CPEB3: variants seen among roughly 807,000 people sequenced by gnomAD.
CPEB3 encodes the protein cytoplasmic polyadenylation element-binding protein 3.
A neutral mutation model predicts 67.2 loss-of-function variants in CPEB3; 20 were observed. The ratio of observed to expected loss-of-function variants is 0.30; its 90% confidence interval spans 0.21 to 0.43. The LOEUF (loss-of-function observed/expected upper bound fraction) is 0.43. Among genes scored for constraint, CPEB3 ranks in the 20% least tolerant of loss-of-function variants. The pLI is 1.00. For synonymous variants in CPEB3, 376 were observed against 393.1 expected, an observed-to-expected ratio of 0.96 and a Z score of 0.51; for missense variants, 746 against 968.6, an observed-to-expected ratio of 0.77 and a Z score of 3.05.
chr10:92,283,731 T>C (rs1209629273), intron 1 of CPEB3, among the ~76,000 whole-genome samples: 1 of 145,170 alleles, frequency 6.9e-6, no homozygotes, highest in African/African-American at 2.5e-5. Flanking sequence ...TCTTTTTTTT[T>C]TTTTTTTTTT....
At chr10:92,124,334 T>C (rs1398566142) in intron 6 of CPEB3, among the ~76,000 whole-genome samples, 9 of 152,350 alleles carry the variant, frequency 5.9e-5, no homozygotes, top group African/African-American at 2.2e-4. Context: ...ACTAACTTTA[T>C]AGTTCATCTT....
chr10:92,210,515 A>T (rs761442613), intron 2 of CPEB3, among the ~76,000 whole-genome samples: 1 of 152,250 alleles, frequency 6.6e-6, no homozygotes, highest in South Asian at 2.1e-4. Flanking sequence ...GCAGGATAGG[A>T]AAGTTGCTGG....
intron 4 of CPEB3, among the ~76,000 whole-genome samples, chr10:92,154,208 T>C (rs1275549284): frequency 6.6e-6 from 1 of 152,200 alleles, no homozygotes; most frequent in African/African-American, 2.4e-5. Flanking sequence ...AGGACACATA[T>C]TAAAGCTTAT....
chr10:92,144,833 C>T (rs938202523), intron 5 of CPEB3, 112 bp downstream of exon 5: 5 of 869,756 alleles, frequency 5.7e-6, no homozygotes, highest in African/African-American at 3.3e-5. Flanking sequence ...AGTCTCACCT[C>T]CTATGCACTA....
At chr10:92,216,921 A>G (rs2134401770) in intron 2 of CPEB3, 1 of 771,464 alleles carries the variant, frequency 1.3e-6, no homozygotes, top group East Asian at 2.7e-5. Flanking sequence ...CCTTCTTACC[A>G]GGCAGCTCTA....
At position 92,120,108 on chromosome 10, in the gene CPEB3, A is replaced by AAAAAAAAAAACAAGC. The variant is rs1479690651; in HGVS notation, c.1454-8915_1454-8914insGCTTGTTTTTTTTTT. On this transcript the variant is annotated intron_variant, in intron 6 of 9. Coordinates refer to ENST00000265997, the MANE Select transcript of CPEB3 (RefSeq NM_014912.5). ...TCTCTACTAAAAATACAAAAAAAAA[A>AAAAAAAAAAACAAGC]AAAAAAAAACCAAATTGCTACGCCG... Among the ~76,000 whole-genome samples, 9 of 141,148 alleles carry AAAAAAAAAAACAAGC rather than the reference A, an allele frequency of 6.4e-5. 1 individual carries two copies. Among genetic ancestry groups the AAAAAAAAAAACAAGC allele is most frequent in the Non-Finnish European group, 1.4e-4 (9 of 65,096 alleles). The allele number at this position is 141,148 out of a possible 152,430, so 92.6% of individuals were successfully genotyped here.
chr10:92,136,653 C>T (rs959164235), intron 6 of CPEB3, among the ~76,000 whole-genome samples: 4 of 152,104 alleles, frequency 2.6e-5, no homozygotes, highest in Non-Finnish European at 4.4e-5. Context: ...CTCTGCCCCC[C>T]AGATTCAAGT....
chr10:92,226,909 G>C (rs1216632419), intron 2 of CPEB3, among the ~76,000 whole-genome samples: 3 of 152,020 alleles, frequency 2.0e-5, no homozygotes, highest in Non-Finnish European at 4.4e-5. Flanking sequence ...AGCGAACCCA[G>C]ATGTCCGCCC....
intron 7 of CPEB3, among the ~76,000 whole-genome samples, chr10:92,107,500 T>C (rs1049122266): frequency 6.6e-6 from 1 of 152,304 alleles, no homozygotes. Flanking sequence ...TCAGCCCCTA[T>C]CTCTGCTAGA....
chr10:92,079,350 C>T (rs942373938), intron 9 of CPEB3, among the ~76,000 whole-genome samples: 9 of 152,216 alleles, frequency 5.9e-5, no homozygotes, highest in Admixed American at 2.6e-4. Flanking sequence ...ACAGCATGCC[C>T]ATCTTTGTGG....
At chr10:92,139,031 A>G (rs1846255493) in intron 6 of CPEB3, among the ~76,000 whole-genome samples, 1 of 152,022 alleles carries the variant, frequency 6.6e-6, no homozygotes, top group Non-Finnish European at 1.5e-5. Flanking sequence ...TAATTCCAGC[A>G]CTCTGGGAGG....
intron 2 of CPEB3, among the ~76,000 whole-genome samples, chr10:92,238,482 C>A (rs1851646699): frequency 2.0e-5 from 3 of 152,118 alleles, no homozygotes; most frequent in Admixed American, 1.3e-4. Context: ...TCACTTTGCC[C>A]AGTTTCAAAT....
chr10:92,089,496 G>C (rs1207842377), intron 8 of CPEB3, among the ~76,000 whole-genome samples: 1 of 152,080 alleles, frequency 6.6e-6, no homozygotes, highest in Non-Finnish European at 1.5e-5. Flanking sequence ...TGAAAAAAAA[G>C]AGAACTTCGG....
chr10:92,135,162 A>G (rs1007479192), intron 6 of CPEB3, among the ~76,000 whole-genome samples: 2 of 152,206 alleles, frequency 1.3e-5, no homozygotes, highest in Non-Finnish European at 2.9e-5. Context: ...AAATAGACAA[A>G]TCAGATCTAA....
chr10:92,110,971 A>C, intron 7 of CPEB3, 105 bp downstream of exon 7: 7 of 853,046 alleles, frequency 8.2e-6, no homozygotes, highest in Non-Finnish European at 1.2e-5. Context: ...CAAGCTGGGT[A>C]AGAGGATCCT....
At chr10:92,118,924 G>A in intron 6 of CPEB3, 1 of 1,133,132 alleles carries the variant, frequency 8.8e-7, no homozygotes. Context: ...TGTCAGCCCT[G>A]TTACTCCCTG....
intron 4 of CPEB3, among the ~76,000 whole-genome samples, chr10:92,146,070 CCTACTAAT>C (rs1846665154): frequency 1.3e-5 from 2 of 151,926 alleles, no homozygotes; most frequent in Non-Finnish European, 2.9e-5. Flanking sequence ...AACCCTTAAC[CCTACTAAT>C]CTAGGCTACA....
chr10:92,122,395 A>G (rs1358863529), intron 6 of CPEB3, among the ~76,000 whole-genome samples: 2 of 152,172 alleles, frequency 1.3e-5, no homozygotes, highest in African/African-American at 2.4e-5. Context: ...GGTGGGTGGT[A>G]AGAGTTGAAG....
intron 9 of CPEB3, among the ~76,000 whole-genome samples, chr10:92,066,525 C>CA (rs1369549271): frequency 6.6e-6 from 1 of 152,156 alleles, no homozygotes; most frequent in Non-Finnish European, 1.5e-5. Flanking sequence ...CTGACTTAGG[C>CA]CATTTCCTAA....
Sources: gnomAD v4.1 joint callset for allele counts (sites outside exome capture counted in the v4.1 genomes callset) on GRCh38, gnomAD v4.1.1 for gene constraint, MANE v1.5 for transcripts, NCBI Gene and HGNC (gene_info 2026-07-23, HGNC 2026-07-21) for gene names.